Variants in NLGN3 observed in about 807,000 individuals in gnomAD.
NLGN3 encodes neuroligin 3.
In NLGN3, 11 loss-of-function variants were observed where a neutral mutation model predicts 42.9. The observed-to-expected ratio is 0.26, with a 90% confidence interval of 0.16 to 0.42. The LOEUF is 0.42. Among genes scored for constraint, NLGN3 ranks in the 10% least tolerant of loss-of-function variants. NLGN3 has a pLI of 1.00. For missense variants in NLGN3, 374 were observed against 733.8 expected (o/e 0.51, Z 5.67); for synonymous variants, 279 against 312.7 (o/e 0.89, Z 1.14).
At chrX:71,153,789 G>A (rs1276338464) in intron 4 of NLGN3, among the ~76,000 whole-genome samples, 1 of 112,213 alleles carries the variant, frequency 8.9e-6, no homozygotes, top group Non-Finnish European at 1.9e-5. Context: ...TGGGTCTCCC[G>A]CCCCTTCCCC....
intron 7 of NLGN3, 147 bp from the exon 8 acceptor site, chrX:71,169,107 G>T (rs926492220): frequency 2.0e-5 from 12 of 609,392 alleles, no homozygotes; most frequent in Non-Finnish European, 2.9e-5. Flanking sequence ...GAAGAAGCAG[G>T]TGTGGGCAGA....
intron 5 of NLGN3, among the ~76,000 whole-genome samples, chrX:71,157,638 G>A (rs2147885327): frequency 9.0e-6 from 1 of 111,241 alleles, no homozygotes; most frequent in East Asian, 2.8e-4. Flanking sequence ...ATTTTCTCTT[G>A]ACTATATTGC....
At chrX:71,161,484 AG>A (rs1461975887) in intron 5 of NLGN3, among the ~76,000 whole-genome samples, 2 of 110,136 alleles carry the variant, frequency 1.8e-5, no homozygotes, top group Non-Finnish European at 3.8e-5. Context: ...CACATGCTTC[AG>A]GGCCCCTTAA....
At chrX:71,156,680 G>A (rs1012986421) in intron 5 of NLGN3, among the ~76,000 whole-genome samples, 1 of 109,313 alleles carries the variant, frequency 9.1e-6, no homozygotes, top group African/African-American at 3.3e-5. Context: ...AGGCCCAACC[G>A]CATCCCCCAA....
intron 7 of NLGN3, 97 bp downstream of exon 7, chrX:71,167,897 G>A (rs934734727): frequency 1.3e-6 from 1 of 787,699 alleles, no homozygotes; most frequent in Non-Finnish European, 1.9e-6. Flanking sequence ...CCCTTCCTAA[G>A]ATATTCCCAA....
chrX:71,168,298 C>T (rs377376514), intron 7 of NLGN3, among the ~76,000 whole-genome samples: 31 of 111,449 alleles, frequency 2.8e-4, no homozygotes, highest in African/African-American at 8.8e-4. Flanking sequence ...GCTGTGATCA[C>T]GCCACTGTAC....
At chrX:71,164,999 C>G (rs2092442280) in intron 6 of NLGN3, among the ~76,000 whole-genome samples, 1 of 111,777 alleles carries the variant, frequency 8.9e-6, no homozygotes, top group African/African-American at 3.3e-5. Context: ...TTCTCCACCT[C>G]TGGACTACTG....
chrX:71,148,216 G>A lies in NLGN3; in HGVS notation c.457+10G>A. 1 of 1,191,590 alleles carries A rather than the reference G, an allele frequency of 8.4e-7. No individual in the cohort carries two copies. Among genetic ancestry groups the A allele is most frequent in the Non-Finnish European group, 1.1e-6 (1 of 877,097 alleles). On this transcript the variant is annotated intron_variant, in intron 2 of 7. Transcript: ENST00000358741. ...GTGCCGACGGAGGATGGTGAGTGCT[G>A]CGGCCAGGCACTGTGCCCTCCCTGC...
chrX:71,165,556 T>C (rs4844287), intron 6 of NLGN3, among the ~76,000 whole-genome samples: 54,919 of 107,794 alleles, frequency 0.51, 11,963 homozygotes, highest in African/African-American at 0.8. Context: ...CTCGCTCTGT[T>C]CCCCAGGCTC....
Position 71,144,860 on chromosome X carries a change from T to G in NLGN3, c.-305T>G, listed in dbSNP as rs1355110340. On this transcript the variant is annotated 5_prime_UTR_variant, in exon 1 of 8. Transcript: ENST00000358741. ...CGGTGCGCGGGCACAGCAGCCAGGCTGCCGGAGAGCTGATCTCGGGGATTC... is the reference window on the plus strand; with the variant it reads ...CGGTGCGCGGGCACAGCAGCCAGGCGGCCGGAGAGCTGATCTCGGGGATTC... 9.0e-6 allele frequency: 1 copy of G among 111,650 alleles called. No homozygotes were observed. Among genetic ancestry groups the G allele is most frequent in the Non-Finnish European group, 1.9e-5 (1 of 52,883 alleles). The allele number at this position is 111,650 out of a possible 1,213,427, so 9.2% of individuals were successfully genotyped here.
chrX:71,171,953 G>T (rs772762694), downstream of NLGN3, among the ~76,000 whole-genome samples: 5 of 111,577 alleles, frequency 4.5e-5, no homozygotes, highest in Admixed American at 1.9e-4. Context: ...TGATACCTCA[G>T]AAAGCAGGAA....
intron 5 of NLGN3, among the ~76,000 whole-genome samples, chrX:71,160,067 G>A (rs1464343351): frequency 1.9e-5 from 2 of 106,323 alleles, no homozygotes; most frequent in African/African-American, 3.4e-5. Flanking sequence ...GGCCTTTGTT[G>A]TTTTGTTGCC....
chrX:71,145,276 T>C, intron 1 of NLGN3, among the ~76,000 whole-genome samples: 1 of 80,476 alleles, frequency 1.2e-5, no homozygotes, highest in African/African-American at 4.8e-5. Flanking sequence ...ACATTGCCAG[T>C]CCCCCCTCCC....
chrX:71,147,297 GT>G (rs1334140053), intron 1 of NLGN3, among the ~76,000 whole-genome samples: 1 of 112,099 alleles, frequency 8.9e-6, no homozygotes, highest in East Asian at 2.8e-4. Context: ...TAGAATTGAA[GT>G]TGGGCACCGG....
chrX:71,173,063 C>T (rs1214995880), downstream of NLGN3, among the ~76,000 whole-genome samples: 3 of 109,464 alleles, frequency 2.7e-5, no homozygotes, highest in African/African-American at 1.0e-4. Context: ...CCTCCCACCT[C>T]GGCCTCCCAA....
rs775350500 is a variant in NLGN3, at chrX:71,169,500, G to A, written c.1950G>A (p.Pro650=). The change falls in exon 8 of 8, where the codon CCG becomes CCA. Residue 650 remains proline, a synonymous_variant. Transcript: ENST00000358741. The part of the protein sequence containing the change: ...YTSTTTKVPP[P]DTTHSSHITR... The stretch of plus-strand genomic sequence containing the variant: ...CCACCACCACCAAAGTGCCGCCTCC[G>A]GATACCACCCACAGCTCCCACATCA... 21 of 1,210,050 alleles carry A rather than the reference G, an allele frequency of 1.7e-5. No individual in the cohort carries two copies. Among genetic ancestry groups the A allele is most frequent in the South Asian group, 1.4e-4 (8 of 56,805 alleles).
At chrX:71,157,841 G>A (rs762295882) in intron 5 of NLGN3, among the ~76,000 whole-genome samples, 1 of 109,708 alleles carries the variant, frequency 9.1e-6, no homozygotes, top group South Asian at 3.9e-4. Context: ...ATTGGCGCCC[G>A]GGAGACTGAA....
intron 6 of NLGN3, among the ~76,000 whole-genome samples, chrX:71,165,091 A>C (rs760501356): frequency 5.3e-5 from 6 of 112,254 alleles, no homozygotes; most frequent in Non-Finnish European, 7.5e-5. Context: ...TTTCTGAAGT[A>C]AGGAAATCTG....
Position 71,167,078 on chromosome X carries a change from A to G in NLGN3, c.981A>G (p.Pro327=), listed in dbSNP as rs797045794. 2.5e-6 allele frequency: 3 copies of G among 1,211,177 alleles called. No individual in the cohort carries two copies. Among genetic ancestry groups the G allele is most frequent in the Non-Finnish European group, 3.4e-6 (3 of 895,021 alleles). The change falls in exon 7 of 8, where the codon CCA becomes CCG. Residue 327 remains proline, a synonymous_variant. Transcript: ENST00000358741. ...CCAGCTGGGCTGTGAACTACCAACC[A>G]GTGAAGTACACCAGCCTGCTGGCAG... is the stretch of plus-strand genomic sequence containing the variant. ...ALSSWAVNYQ[P]VKYTSLLADK...
Sources: allele counts gnomAD v4.1 joint callset (sites outside exome capture counted in the v4.1 genomes callset), GRCh38; gene constraint gnomAD v4.1.1; transcripts MANE v1.5; gene names NCBI Gene and HGNC (gene_info 2026-07-23, HGNC 2026-07-21).